The following MAPK14 variants were observed in gnomAD, a reference collection of about 807,000 sequenced individuals.
MAPK14 encodes the protein mitogen-activated protein kinase 14.
Under a neutral mutation model 49.6 loss-of-function variants are expected in MAPK14, and 16 were observed. That is an observed-to-expected ratio of 0.32 (90% confidence interval 0.22 to 0.49). The LOEUF is 0.49. MAPK14 is among the 20% of genes least tolerant of loss of function. The pLI is 0.99. For synonymous variants in MAPK14, 142 were observed against 158.0 expected (o/e 0.90, Z 0.76); for missense variants, 200 against 441.2 (o/e 0.45, Z 4.90).
intron 8 of MAPK14, among the ~76,000 whole-genome samples, chr6:36,081,363 T>A: frequency 6.6e-6 from 1 of 152,182 alleles, no homozygotes; most frequent in East Asian, 1.9e-4. Context: ...AATTAATTTT[T>A]ATAGATGATG....
chr6:36,098,631 T>G (rs963264185), intron 9 of MAPK14, among the ~76,000 whole-genome samples: 10 of 152,164 alleles, frequency 6.6e-5, no homozygotes, highest in Non-Finnish European at 1.3e-4. Flanking sequence ...TCTAACTTCT[T>G]GACAGAAAGG....
At chr6:36,078,979 A>G (rs1197187739) in intron 8 of MAPK14, among the ~76,000 whole-genome samples, 9 of 152,130 alleles carry the variant, frequency 5.9e-5, no homozygotes, top group Non-Finnish European at 1.3e-4. Flanking sequence ...CACCCCAAAG[A>G]CTCCATTTTG....
intron 6 of MAPK14, 118 bp from the exon 7 acceptor site, chr6:36,075,730 T>C: frequency 1.5e-6 from 2 of 1,298,172 alleles, no homozygotes; most frequent in Non-Finnish European, 2.2e-6. Flanking sequence ...ATGAAAGTGC[T>C]ATTTTGTTCT....
intron 8 of MAPK14, among the ~76,000 whole-genome samples, chr6:36,082,421 A>G (rs1764802430): frequency 6.6e-6 from 1 of 152,214 alleles, no homozygotes; most frequent in Non-Finnish European, 1.5e-5. Context: ...TCCATTTCAC[A>G]TTGCTATGAA....
At chr6:36,032,872 A>T (rs180706048) in intron 1 of MAPK14, among the ~76,000 whole-genome samples, 1 of 152,374 alleles carries the variant, frequency 6.6e-6, no homozygotes, top group Admixed American at 6.5e-5. Flanking sequence ...ACTTGCTAAG[A>T]AATCAAATAC....
chr6:36,107,715 C>G lies in MAPK14; in HGVS notation c.1015+87C>G. 1 of 980,928 alleles carries G rather than the reference C, an allele frequency of 1.0e-6. No individual in the cohort carries two copies. The highest frequency in any genetic ancestry group is 2.3e-5 in the South Asian group (1 of 44,360). 60.8% of individuals were successfully genotyped at this position (980,928 alleles called of 1,614,324 possible). The stretch of plus-strand genomic sequence containing the variant: ...AAACTGAATGGTCATAACCAACTTG[C>G]TAAAGCTTGTAGATGAGGTCTCTAA... On this transcript the variant is annotated intron_variant, in intron 11 of 11. Transcript: ENST00000229794. The surrounding 1 kb of genome is among the most constrained non-coding windows in gnomAD (Gnocchi z 4.3).
intron 8 of MAPK14, among the ~76,000 whole-genome samples, chr6:36,089,955 G>A (rs115021611): frequency 8.3e-4 from 127 of 152,304 alleles, no homozygotes; most frequent in African/African-American, 2.9e-3. Flanking sequence ...TTGGCTTGCT[G>A]TTGTTTTCCT....
In MAPK14 at chr6:36,108,595, T is replaced by C; in HGVS notation, c.*148T>C. On this transcript the variant is annotated 3_prime_UTR_variant, in exon 12 of 12. Coordinates refer to ENST00000229794, the MANE Select transcript of MAPK14 (RefSeq NM_139012.3). ...GTGCGTGCGTGTGCGTGCGTGTTAG[T>C]GTGTGTGCATGTGTGTGTCTGTCTT... 2 of 646,136 alleles carry C rather than the reference T, an allele frequency of 3.1e-6. No homozygotes were observed. Among genetic ancestry groups the C allele is most frequent in the East Asian group, 2.8e-5 (1 of 36,132 alleles). 40.0% of individuals were successfully genotyped at this position (646,136 alleles called of 1,614,324 possible). A position where few individuals can be genotyped will look rare whatever the true frequency, so the allele number is the denominator to read the frequency against.
intron 10 of MAPK14, among the ~76,000 whole-genome samples, chr6:36,103,087 C>T (rs1046476630): frequency 2.6e-5 from 4 of 152,154 alleles, no homozygotes; most frequent in Non-Finnish European, 5.9e-5. Context: ...TCTGCTCTAA[C>T]GGTAGCTGCC....
chr6:36,034,897 C>CTTTTTTTT (rs200316205), intron 1 of MAPK14, among the ~76,000 whole-genome samples: 46 of 121,002 alleles, frequency 3.8e-4, no homozygotes, highest in Non-Finnish European at 5.0e-4. Flanking sequence ...TTCTTTCTTT[C>CTTTTTTTT]TTTTTTTTTT....
At chr6:36,090,061 G>T (rs1442759512) in intron 8 of MAPK14, among the ~76,000 whole-genome samples, 1 of 152,200 alleles carries the variant, frequency 6.6e-6, no homozygotes, top group Admixed American at 6.5e-5. Flanking sequence ...ATGGAGCTGA[G>T]TTAAAATCCA....
At chr6:36,077,138 A>C (rs1764563309) in intron 8 of MAPK14, among the ~76,000 whole-genome samples, 1 of 152,226 alleles carries the variant, frequency 6.6e-6, no homozygotes. Flanking sequence ...TTGTTTTTCC[A>C]GCACAACTTT....
At chr6:36,088,069 G>A (rs1287724561) in intron 8 of MAPK14, among the ~76,000 whole-genome samples, 1 of 152,176 alleles carries the variant, frequency 6.6e-6, no homozygotes, top group African/African-American at 2.4e-5. Flanking sequence ...GAACTGGCTA[G>A]CCATGTGCAG....
intron 1 of MAPK14, among the ~76,000 whole-genome samples, chr6:36,041,508 T>TG (rs1250652989): frequency 6.6e-6 from 1 of 152,228 alleles, no homozygotes; most frequent in Non-Finnish European, 1.5e-5. Flanking sequence ...TATTGAGATG[T>TG]AATGTTTCAT....
intron 10 of MAPK14, among the ~76,000 whole-genome samples, chr6:36,106,584 T>G (rs1160093649): frequency 1.3e-5 from 2 of 152,210 alleles, no homozygotes; most frequent in African/African-American, 4.8e-5. Context: ...GGAAGATGTC[T>G]TCGTGTTGAA....
the MAPK14 span, among the ~76,000 whole-genome samples, chr6:36,123,853 G>A: frequency 2.0e-4 from 30 of 152,164 alleles, no homozygotes; most frequent in African/African-American, 6.5e-4. Context: ...TGTGGGCTGG[G>A]TGCAGGGAGG....
chr6:36,067,409 T>G (rs1369595426), intron 3 of MAPK14, among the ~76,000 whole-genome samples: 1 of 152,142 alleles, frequency 6.6e-6, no homozygotes, highest in African/African-American at 2.4e-5. Context: ...TCTTTCCCAC[T>G]GCTGCATCCC....
chr6:36,029,866 G>A (rs1255206505), intron 1 of MAPK14, among the ~76,000 whole-genome samples: 1 of 151,216 alleles, frequency 6.6e-6, no homozygotes, highest in African/African-American at 2.4e-5. Flanking sequence ...TTGGTTTGCA[G>A]CATTTTACAT....
chr6:36,092,117 G>T, intron 8 of MAPK14: 1 of 516,316 alleles, frequency 1.9e-6, no homozygotes, highest in South Asian at 1.4e-5. Context: ...CCCTGCAGCA[G>T]GTCATTCTTG....
Sources: gnomAD v4.1 joint callset for allele counts (sites outside exome capture counted in the v4.1 genomes callset) on GRCh38, gnomAD v4.1.1 for gene constraint, Gnocchi (gnomAD v3.1) non-coding constraint, MANE v1.5 for transcripts, NCBI Gene and HGNC (gene_info 2026-07-23, HGNC 2026-07-21) for gene names.